Variants in HERC3 observed in about 807,000 individuals in gnomAD.
HERC3 encodes probable E3 ubiquitin-protein ligase HERC3.
A neutral mutation model predicts 129.9 loss-of-function variants in HERC3; 58 were observed. The ratio of observed to expected loss-of-function variants is 0.45; its 90% confidence interval spans 0.36 to 0.56. The LOEUF (loss-of-function observed/expected upper bound fraction) is 0.56, where lower values mean the gene tolerates loss of function less well. Ranked by LOEUF, HERC3 falls within the 20% of genes least tolerant of loss-of-function variation. The pLI, the probability that HERC3 is intolerant of heterozygous loss-of-function variation, is 0.00. For synonymous variants in HERC3, 430 were observed against 451.0 expected, an observed-to-expected ratio of 0.95 and a Z score of 0.59; for missense variants, 835 against 1,244.2, an observed-to-expected ratio of 0.67 and a Z score of 4.95.
the HERC3 span, among the ~76,000 whole-genome samples, chr4:88,554,991 T>C: frequency 5.3e-5 from 8 of 151,734 alleles, no homozygotes; most frequent in South Asian, 1.7e-3. Flanking sequence ...AACTTTAGTA[T>C]AGAAATTATA....
chr4:88,532,303 T>C, the HERC3 span, among the ~76,000 whole-genome samples: 5 of 152,172 alleles, frequency 3.3e-5, no homozygotes, highest in African/African-American at 1.2e-4. Context: ...GGGAGAAAGC[T>C]GGTGATATAA....
At chr4:88,610,378 G>A (rs565028171) in intron 3 of HERC3, among the ~76,000 whole-genome samples, 70 of 151,812 alleles carry the variant, frequency 4.6e-4, no homozygotes, top group African/African-American at 1.5e-3. Flanking sequence ...GCTTGAACCC[G>A]GGAGGCAGAG....
chr4:88,612,522 C>T (rs1038673157), intron 3 of HERC3, among the ~76,000 whole-genome samples: 3 of 152,006 alleles, frequency 2.0e-5, no homozygotes, highest in Admixed American at 6.6e-5. Context: ...TATTAAGCCC[C>T]ATCTAAACTC....
At chr4:88,571,208 A>G in the HERC3 span, among the ~76,000 whole-genome samples, 13 of 152,200 alleles carry the variant, frequency 8.5e-5, no homozygotes, top group African/African-American at 3.1e-4. Flanking sequence ...GGCTGAGACT[A>G]CAGGTGTATG....
the HERC3 span, among the ~76,000 whole-genome samples, chr4:88,579,232 A>AAT: frequency 7.0e-3 from 727 of 104,040 alleles, 5 homozygotes; most frequent in Middle Eastern, 0.048. Context: ...AAAAAAAAAA[A>AAT]ATATATATAT....
At chr4:88,613,335 T>C (rs1173858707) in intron 3 of HERC3, among the ~76,000 whole-genome samples, 1 of 152,246 alleles carries the variant, frequency 6.6e-6, no homozygotes, top group Non-Finnish European at 1.5e-5. Context: ...TACTTTCTCC[T>C]GAGTTAGTTT....
chr4:88,690,627 A>G, intron 23 of HERC3: 1 of 985,178 alleles, frequency 1.0e-6, no homozygotes, highest in Non-Finnish European at 1.2e-6. Context: ...TAGTGCAGGA[A>G]TAGGCAATTG....
At chr4:88,574,715 C>G in the HERC3 span, among the ~76,000 whole-genome samples, 1 of 152,100 alleles carries the variant, frequency 6.6e-6, no homozygotes, top group African/African-American at 2.4e-5. Flanking sequence ...GCATAATGTC[C>G]TCAAGGTTCA....
At chr4:88,638,617 A>G (rs1194528002) in intron 3 of HERC3, among the ~76,000 whole-genome samples, 1 of 152,226 alleles carries the variant, frequency 6.6e-6, no homozygotes, top group African/African-American at 2.4e-5. Flanking sequence ...ATTTATGACA[A>G]ACCCACAGCC....
At chr4:88,609,150 G>A (rs907010806) in intron 3 of HERC3, among the ~76,000 whole-genome samples, 2 of 151,528 alleles carry the variant, frequency 1.3e-5, no homozygotes, top group Non-Finnish European at 2.9e-5. Context: ...GGGCATGGTG[G>A]TGTGTACCTG....
intron 3 of HERC3, among the ~76,000 whole-genome samples, chr4:88,624,897 C>G (rs949288570): frequency 2.0e-5 from 3 of 152,070 alleles, no homozygotes; most frequent in African/African-American, 7.2e-5. Context: ...ATATAATGGT[C>G]AAGGTTCGTT....
At chr4:88,677,882 C>G in intron 18 of HERC3, 82 bp from the exon 19 acceptor site, 1 of 1,308,008 alleles carries the variant, frequency 7.6e-7, no homozygotes, top group South Asian at 1.3e-5. Flanking sequence ...GTCAGCGCCC[C>G]CAAGTCCAGA....
At chr4:88,692,562 G>A (rs1734182125) in intron 23 of HERC3, among the ~76,000 whole-genome samples, 1 of 152,160 alleles carries the variant, frequency 6.6e-6, no homozygotes, top group African/African-American at 2.4e-5. Flanking sequence ...TAGTTTCTGA[G>A]GGATGCAGTC....
intron 14 of HERC3, 60 bp downstream of exon 14, chr4:88,668,141 C>G: frequency 2.3e-6 from 3 of 1,328,480 alleles, no homozygotes; most frequent in Non-Finnish European, 3.2e-6. Context: ...TGGTGTGACT[C>G]CTGGCTCTCA....
chr4:88,589,809 T>C (rs1420415998), upstream of HERC3, among the ~76,000 whole-genome samples: 1 of 152,216 alleles, frequency 6.6e-6, no homozygotes, highest in Non-Finnish European at 1.5e-5. Flanking sequence ...TGTGGTATCT[T>C]TACTGTTCTA....
At chr4:88,648,296 T>G (rs905166583) in intron 3 of HERC3, among the ~76,000 whole-genome samples, 6 of 152,208 alleles carry the variant, frequency 3.9e-5, no homozygotes, top group Admixed American at 6.5e-5. Context: ...CCTTCCTGTC[T>G]GTGTAAGATT....
At chr4:88,549,839 GA>G in the HERC3 span, among the ~76,000 whole-genome samples, 1 of 152,014 alleles carries the variant, frequency 6.6e-6, no homozygotes, top group Non-Finnish European at 1.5e-5. Context: ...GAAAACATTT[GA>G]AATGGTCCAT....
the HERC3 span, among the ~76,000 whole-genome samples, chr4:88,525,858 T>A: frequency 6.6e-6 from 1 of 152,234 alleles, no homozygotes. Flanking sequence ...ATCATGGGAC[T>A]GGAACTGGTC....
chr4:88,675,348 C>A (rs182759631), intron 16 of HERC3, among the ~76,000 whole-genome samples: 61 of 152,246 alleles, frequency 4.0e-4, no homozygotes, highest in African/African-American at 1.5e-3. Flanking sequence ...AACATGATGC[C>A]AATGCAGTTA....
Sources: allele counts gnomAD v4.1 joint callset (sites outside exome capture counted in the v4.1 genomes callset), GRCh38; gene constraint gnomAD v4.1.1; transcripts MANE v1.5; gene names NCBI Gene and HGNC (gene_info 2026-07-23, HGNC 2026-07-21).